The following AGAP1 variants were observed in gnomAD, a reference collection of about 807,000 sequenced individuals.
The protein encoded by AGAP1 is arf-GAP with GTPase, ANK repeat and PH domain-containing protein 1.
In AGAP1, 29 loss-of-function variants were observed where a neutral mutation model predicts 105.3. The ratio of observed to expected loss-of-function variants is 0.28; its 90% confidence interval spans 0.21 to 0.38. The LOEUF is 0.38. Ranked by LOEUF, AGAP1 falls within the 10% of genes least tolerant of loss-of-function variation. AGAP1 has a pLI of 1.00. For missense variants in AGAP1, 998 were observed against 1,165.1 expected (o/e 0.86, Z 2.09); for synonymous variants, 509 against 485.9 (o/e 1.05, Z -0.63).
chr2:235,814,346 A>C (rs1958330221), intron 9 of AGAP1, among the ~76,000 whole-genome samples: 1 of 152,200 alleles, frequency 6.6e-6, no homozygotes, highest in Non-Finnish European at 1.5e-5. Flanking sequence ...GTGGTGGTGA[A>C]ATCCAATTCC....
Position 236,092,950 on chromosome 2 carries a change from C to T in AGAP1, c.2115-27242C>T, listed in dbSNP as rs1423155487. Among the ~76,000 whole-genome samples, 1 of 152,212 alleles carries T rather than the reference C, an allele frequency of 6.6e-6. No individual in the cohort carries two copies. The highest frequency in any genetic ancestry group is 6.5e-5 in the Admixed American group (1 of 15,278). ...AACAGGAGCGGCTCCAGGCCTCCCA[C>T]TGGCCAAATCTGGAACAATTGAAGC... On this transcript the variant is annotated intron_variant, in intron 16 of 17. Transcript: ENST00000304032. The surrounding 1 kb of genome is among the most constrained non-coding windows in gnomAD (Gnocchi z 4.7).
rs2054273894 is a variant in AGAP1 at position 235,963,582 on chromosome 2, A to G, written c.1484-4880A>G. ...TTTTTCCTTGGTTTCCTCATAGGCA[A>G]GTTGAAAGATATGTGAGCTGAACAC... On this transcript the variant is annotated intron_variant, in intron 12 of 17. Coordinates refer to ENST00000304032, the MANE Select transcript of AGAP1 (RefSeq NM_001037131.3). This position sits in a 1 kb window ranked among gnomAD's most constrained non-coding sequence, Gnocchi z 5.1. 6.6e-6 allele frequency among the ~76,000 whole-genome samples: 1 copy of G among 152,216 alleles called. No individual in the cohort carries two copies. Among genetic ancestry groups the G allele is most frequent in the Non-Finnish European group, 1.5e-5 (1 of 68,034 alleles).
chr2:235,597,399 G>A (rs1262991402), intron 1 of AGAP1, among the ~76,000 whole-genome samples: 1 of 152,322 alleles, frequency 6.6e-6, no homozygotes, highest in South Asian at 2.1e-4. Flanking sequence ...GGCCCCTCCA[G>A]GGCCACACAC....
intron 6 of AGAP1, among the ~76,000 whole-genome samples, chr2:235,772,868 C>A (rs1046111563): frequency 1.3e-5 from 2 of 152,196 alleles, no homozygotes; most frequent in Non-Finnish European, 2.9e-5. Flanking sequence ...GTGGGCCCTG[C>A]ATTCTTTATG....
At chr2:235,909,019 A>T in intron 11 of AGAP1, 113 bp downstream of exon 11, 1 of 1,077,078 alleles carries the variant, frequency 9.3e-7, no homozygotes, top group South Asian at 1.8e-5. Flanking sequence ...ATCACATTAC[A>T]GATTAAGGTT....
At position 235,879,007 on chromosome 2, in the gene AGAP1, G is replaced by T. The variant is rs575803524; in HGVS notation, c.1051-4338G>T. Among the ~76,000 whole-genome samples the T allele has an allele frequency of 8.6e-4, 131 of 152,312 alleles. 1 individual carries two copies. The highest frequency in any genetic ancestry group is 3.1e-3 in the African/African-American group (127 of 41,570). Reference sequence around the variant, plus strand: ...TGGCTGGGACACCCAGAGGTTCTGCGTGGGGAGCAGGTCACCGCCCATCAG... The same window carrying T: ...TGGCTGGGACACCCAGAGGTTCTGCTTGGGGAGCAGGTCACCGCCCATCAG... On this transcript the variant is annotated intron_variant, in intron 9 of 17. Transcript: ENST00000304032. The surrounding 1 kb of genome is among the most constrained non-coding windows in gnomAD (Gnocchi z 5.0).
chr2:235,740,983 ATTG>A lies in AGAP1; in HGVS notation c.333_335del (p.Val113del). ...GGCAGGTGGCAGGTTCAAGAAAGAG[ATTG>A]TCGTTGATGGACAGAGCTATCTGCT... On this transcript the variant is annotated inframe_deletion, in exon 4 of 18. Transcript: ENST00000304032. This position sits in a 1 kb window ranked among gnomAD's most constrained non-coding sequence, Gnocchi z 5.7. The A allele has an allele frequency of 8.7e-6, 14 of 1,614,172 alleles. No individual in the cohort carries two copies. The highest frequency in any genetic ancestry group is 1.2e-5 in the Non-Finnish European group (14 of 1,180,024).
At chr2:235,713,893 A>G (rs1173086212) in intron 2 of AGAP1, among the ~76,000 whole-genome samples, 1 of 152,244 alleles carries the variant, frequency 6.6e-6, no homozygotes, top group Non-Finnish European at 1.5e-5. Flanking sequence ...ACGTGGAGGA[A>G]GACGCGAGAG....
At chr2:236,037,250 T>C (rs1325991501) in intron 14 of AGAP1, 1 of 152,292 alleles carries the variant, frequency 6.6e-6, no homozygotes, top group African/African-American at 2.4e-5. Flanking sequence ...TAATTAGAGG[T>C]GGTGGTGCAG....
chr2:235,987,108 GTTA>G (rs945724586), intron 13 of AGAP1, among the ~76,000 whole-genome samples: 3 of 147,692 alleles, frequency 2.0e-5, no homozygotes, highest in Non-Finnish European at 3.0e-5. Context: ...GCTTTTTATT[GTTA>G]TTTATTTATT....
At position 235,989,340 on chromosome 2, in the gene AGAP1, GA is replaced by G. The variant is rs933704628; in HGVS notation, c.1645+20721del. Among the ~76,000 whole-genome samples the G allele has an allele frequency of 1.4e-4, 21 of 152,324 alleles. No individual in the cohort carries two copies. Among genetic ancestry groups the G allele is most frequent in the Non-Finnish European group, 8.8e-5 (6 of 68,030 alleles). On this transcript the variant is annotated intron_variant, in intron 13 of 17. Coordinates refer to ENST00000304032, the MANE Select transcript of AGAP1 (RefSeq NM_001037131.3). This position sits in a 1 kb window ranked among gnomAD's most constrained non-coding sequence, Gnocchi z 4.4. ...TTTGCAAGCTCACAATGTCCTGAAT[GA>G]AAACCTAGTTCCTAAGCCCTTCCCC... is the stretch of plus-strand genomic sequence containing the variant.
Position 236,078,412 on chromosome 2 carries a change from A to G in AGAP1, c.2114+29131A>G, listed in dbSNP as rs2058699687. 6.6e-6 allele frequency among the ~76,000 whole-genome samples: 1 copy of G among 152,136 alleles called. No individual in the cohort carries two copies. Among genetic ancestry groups the G allele is most frequent in the African/African-American group, 2.4e-5 (1 of 41,428 alleles). ...CTACAAAAGGCCTTCACAGCAATGC[A>G]TAGGTTGTGTGTGATGAAATCACTG... On this transcript the variant is annotated intron_variant, in intron 16 of 17. Transcript: ENST00000304032. The surrounding 1 kb of genome is among the most constrained non-coding windows in gnomAD (Gnocchi z 5.3).
At chr2:236,022,510 C>T (rs1243574625) in intron 13 of AGAP1, among the ~76,000 whole-genome samples, 1 of 152,122 alleles carries the variant, frequency 6.6e-6, no homozygotes, top group Non-Finnish European at 1.5e-5. Context: ...AACCCTGGTC[C>T]ATATTCTCCA....
intron 16 of AGAP1, among the ~76,000 whole-genome samples, chr2:236,093,916 A>G (rs1274413893): frequency 6.6e-6 from 1 of 152,198 alleles, no homozygotes; most frequent in Non-Finnish European, 1.5e-5. Flanking sequence ...AGAAACATAT[A>G]AAAACACAAC....
intron 10 of AGAP1, among the ~76,000 whole-genome samples, chr2:235,894,890 A>G (rs79242946): frequency 8.7e-4 from 133 of 152,290 alleles, no homozygotes; most frequent in Non-Finnish European, 1.5e-3. Flanking sequence ...GTTGGTTCCA[A>G]CGTGGCTTTG....
Position 235,660,901 on chromosome 2 carries a change from A to G in AGAP1, c.164-48278A>G, listed in dbSNP as rs1383273384. ...TTTCCCAAGGTCACATGTGGTTTGC[A>G]TCATTCTGGCCTTGGAGCCCAGCCT... On this transcript the variant is annotated intron_variant, in intron 1 of 17. Transcript: ENST00000304032. The surrounding 1 kb of genome is among the most constrained non-coding windows in gnomAD (Gnocchi z 5.3). 1.3e-5 allele frequency among the ~76,000 whole-genome samples: 2 copies of G among 152,196 alleles called. No individual in the cohort carries two copies. Among genetic ancestry groups the G allele is most frequent in the East Asian group, 1.9e-4 (1 of 5,188 alleles).
chr2:236,064,946 T>C (rs1284118029), intron 16 of AGAP1, among the ~76,000 whole-genome samples: 1 of 152,218 alleles, frequency 6.6e-6, no homozygotes, highest in Non-Finnish European at 1.5e-5. Flanking sequence ...TGAGAGATTG[T>C]GTTACTTTTT....
At chr2:235,863,818 C>G (rs971627451) in intron 9 of AGAP1, among the ~76,000 whole-genome samples, 2 of 152,072 alleles carry the variant, frequency 1.3e-5, no homozygotes, top group Non-Finnish European at 2.9e-5. Context: ...ATGAGACCTT[C>G]TAGGGGAAGA....
intron 1 of AGAP1, among the ~76,000 whole-genome samples, chr2:235,526,708 G>A (rs1432941717): frequency 6.6e-6 from 1 of 152,144 alleles, no homozygotes; most frequent in Non-Finnish European, 1.5e-5. Context: ...TACTGATGAG[G>A]ACCTGAACAA....
Sources: allele counts gnomAD v4.1 joint callset (sites outside exome capture counted in the v4.1 genomes callset), GRCh38; gene constraint gnomAD v4.1.1; non-coding constraint Gnocchi (gnomAD v3.1); transcripts MANE v1.5; gene names NCBI Gene and HGNC (gene_info 2026-07-23, HGNC 2026-07-21).